Variants in AFAP1L1 observed in about 807,000 individuals in gnomAD.
AFAP1L1 encodes actin filament-associated protein 1-like 1.
A neutral mutation model predicts 99.8 loss-of-function variants in AFAP1L1; 77 were observed. That is an observed-to-expected ratio of 0.77 (90% CI 0.64 to 0.93). The LOEUF is 0.93. AFAP1L1 is among the 40% of genes least tolerant of loss of function. The probability of loss-of-function intolerance (pLI) is 0.00; values close to 1 mark genes in which losing one functional copy is unlikely to be tolerated. For synonymous variants in AFAP1L1, 373 were observed against 395.3 expected (o/e 0.94, Z 0.67); for missense variants, 893 against 996.8 (o/e 0.90, Z 1.40).
intron 10 of AFAP1L1, 24 bp downstream of exon 10, chr5:149,315,938 C>T (rs1756781217): frequency 1.9e-6 from 3 of 1,612,768 alleles, no homozygotes; most frequent in African/African-American, 1.3e-5. Flanking sequence ...GGGGCTCAGG[C>T]TGGGGAATGC....
chr5:149,341,562 C>T lies in AFAP1L1; in HGVS notation c.*1532C>T, dbSNP rs914615526. On this transcript the variant is annotated 3_prime_UTR_variant, in exon 19 of 19. Transcript: ENST00000296721. ...AAGATAATATATAGTAGGCATCTTG[C>T]ATAGTGTCTGAGAAATAAGAAATGC... is the stretch of plus-strand genomic sequence containing the variant. 1.3e-5 allele frequency: 2 copies of T among 152,196 alleles called. No homozygotes were observed. The highest frequency in any genetic ancestry group is 2.9e-5 in the Non-Finnish European group (2 of 68,032). The allele number at this position is 152,196 out of a possible 1,614,324, so 9.4% of individuals were successfully genotyped here.
At chr5:149,317,119 A>G (rs1470241764) in intron 11 of AFAP1L1, among the ~76,000 whole-genome samples, 1 of 152,224 alleles carries the variant, frequency 6.6e-6, no homozygotes, top group African/African-American at 2.4e-5. Context: ...GAGCCGTGAT[A>G]GAGACACTGT....
At chr5:149,287,084 G>A (rs776017167) in intron 1 of AFAP1L1, among the ~76,000 whole-genome samples, 5 of 152,152 alleles carry the variant, frequency 3.3e-5, no homozygotes, top group Admixed American at 6.5e-5. Flanking sequence ...GGCACTGAGT[G>A]TTAGGCACAG....
intron 1 of AFAP1L1, among the ~76,000 whole-genome samples, chr5:149,277,583 T>C (rs1160967456): frequency 6.6e-6 from 1 of 152,216 alleles, no homozygotes. Context: ...ATGGTAATGG[T>C]CTTTTGAAAG....
At chr5:149,295,332 C>G (rs1561665540) in intron 1 of AFAP1L1, among the ~76,000 whole-genome samples, 1 of 152,226 alleles carries the variant, frequency 6.6e-6, no homozygotes, top group Admixed American at 6.5e-5. Flanking sequence ...AAAGGTATTA[C>G]AAAGCTTGGG....
intron 5 of AFAP1L1, among the ~76,000 whole-genome samples, chr5:149,305,849 G>A (rs956711437): frequency 6.6e-6 from 1 of 150,882 alleles, no homozygotes; most frequent in Non-Finnish European, 1.5e-5. Context: ...GCTCCCTGCA[G>A]TGCAAAAATC....
chr5:149,314,017 C>T (rs1756719185), intron 9 of AFAP1L1, among the ~76,000 whole-genome samples: 1 of 152,220 alleles, frequency 6.6e-6, no homozygotes, highest in South Asian at 2.1e-4. Context: ...AACAGGGGCC[C>T]ACGCTGGCTG....
At chr5:149,322,557 T>G in intron 14 of AFAP1L1, 49 bp from the exon 15 acceptor site, 541 of 1,376,846 alleles carry the variant, frequency 3.9e-4, no homozygotes, top group Non-Finnish European at 5.0e-4. Flanking sequence ...CCTGCATTGA[T>G]GAGTCTGCGC....
chr5:149,276,964 C>T (rs770798243), intron 1 of AFAP1L1, among the ~76,000 whole-genome samples: 2 of 152,200 alleles, frequency 1.3e-5, no homozygotes. Context: ...GTTATATAGT[C>T]TCTCTATTCA....
intron 8 of AFAP1L1, 108 bp from the exon 9 acceptor site, chr5:149,312,004 A>G (rs1756644214): frequency 1.0e-6 from 1 of 986,914 alleles, no homozygotes; most frequent in South Asian, 1.5e-5. Flanking sequence ...TGTTCCCCAC[A>G]GTGGCCCTGA....
At chr5:149,310,995 C>A (rs1254744046) in intron 8 of AFAP1L1, among the ~76,000 whole-genome samples, 1 of 152,194 alleles carries the variant, frequency 6.6e-6, no homozygotes, top group Admixed American at 6.5e-5. Context: ...TGGCACAGCG[C>A]CTGCCAGGCA....
At chr5:149,281,646 AT>A (rs1171376707) in intron 1 of AFAP1L1, among the ~76,000 whole-genome samples, 5 of 152,080 alleles carry the variant, frequency 3.3e-5, no homozygotes, top group African/African-American at 1.2e-4. Context: ...TCATATTCCC[AT>A]TTTATACATG....
intron 18 of AFAP1L1, among the ~76,000 whole-genome samples, chr5:149,338,564 A>G (rs1391767576): frequency 6.6e-6 from 1 of 152,228 alleles, no homozygotes; most frequent in African/African-American, 2.4e-5. Context: ...TCTTTCCTAC[A>G]GTTAGTCATT....
At chr5:149,279,225 G>A (rs1755438267) in intron 1 of AFAP1L1, among the ~76,000 whole-genome samples, 1 of 152,240 alleles carries the variant, frequency 6.6e-6, no homozygotes, top group Non-Finnish European at 1.5e-5. Context: ...TTCTACAGAA[G>A]GAGATTAAAC....
At chr5:149,307,814 CTCTT>C (rs1466038040) in intron 7 of AFAP1L1, among the ~76,000 whole-genome samples, 4 of 141,908 alleles carry the variant, frequency 2.8e-5, no homozygotes, top group Non-Finnish European at 6.2e-5. Flanking sequence ...CCCTGTGCCT[CTCTT>C]TCTCTCTCTC....
Position 149,322,675 on chromosome 5 carries a change from C to T in AFAP1L1, c.1768C>T (p.His590Tyr). 1 of 1,594,954 alleles carries T rather than the reference C, an allele frequency of 6.3e-7. No individual in the cohort carries two copies. Among genetic ancestry groups the T allele is most frequent in the South Asian group, 1.1e-5 (1 of 87,696 alleles). Residue 590 changes from histidine (H) to tyrosine (Y), a missense_variant, in exon 15 of 19, where the codon CAT becomes TAT. By Grantham distance (83) the His-to-Tyr change is moderately conservative. Coordinates refer to ENST00000296721, the MANE Select transcript of AFAP1L1 (RefSeq NM_152406.4). ...CGCCTCCTCCTGCAGTGAGAAGTCC[C>T]ATCGTGTGGACCCGCAGGTCAAAGT... is the stretch of plus-strand genomic sequence containing the variant. ...RHASSCSEKSHRVDPQVKVKR... is the reference protein window; with the variant it reads ...RHASSCSEKSYRVDPQVKVKR...
intron 1 of AFAP1L1, among the ~76,000 whole-genome samples, chr5:149,290,867 A>C (rs1407239237): frequency 6.6e-6 from 1 of 152,278 alleles, no homozygotes; most frequent in Non-Finnish European, 1.5e-5. Context: ...TTATTGTTCC[A>C]TGTATACTTA....
intron 16 of AFAP1L1, among the ~76,000 whole-genome samples, chr5:149,330,884 G>A (rs899872041): frequency 6.6e-6 from 1 of 151,960 alleles, no homozygotes; most frequent in Admixed American, 6.6e-5. Context: ...GATATATCTA[G>A]GGCCAAGGAC....
intron 18 of AFAP1L1, among the ~76,000 whole-genome samples, chr5:149,336,274 G>A (rs28710294): frequency 7.9e-5 from 12 of 152,046 alleles, no homozygotes; most frequent in African/African-American, 2.9e-4. Flanking sequence ...ATAATTCTAC[G>A]GCAAGACATA....
Sources: allele counts gnomAD v4.1 joint callset (sites outside exome capture counted in the v4.1 genomes callset), GRCh38; gene constraint gnomAD v4.1.1; transcripts MANE v1.5; gene names NCBI Gene and HGNC (gene_info 2026-07-23, HGNC 2026-07-21).